NTRK2: variants seen among roughly 807,000 people sequenced by gnomAD.
NTRK2 encodes BDNF/NT-3 growth factors receptor.
In NTRK2, 13 loss-of-function variants were observed where a neutral mutation model predicts 94.5. That is an observed-to-expected ratio of 0.14 (90% confidence interval 0.09 to 0.22). The LOEUF is 0.22. Among genes scored for constraint, NTRK2 ranks in the 10% least tolerant of loss-of-function variants. The pLI, the probability that NTRK2 is intolerant of heterozygous loss-of-function variation, is 1.00. For missense variants in NTRK2, 639 were observed against 1,071.2 expected (o/e 0.60, Z 5.63); for synonymous variants, 372 against 407.4 (o/e 0.91, Z 1.05).
At chr9:84,875,599 A>T in intron 14 of NTRK2, 1 of 1,061,736 alleles carries the variant, frequency 9.4e-7, no homozygotes, top group Non-Finnish European at 1.1e-6. Context: ...CAAACTAGTT[A>T]CATCTCATAC....
chr9:84,803,650 C>G (rs945645197), intron 12 of NTRK2, among the ~76,000 whole-genome samples: 3 of 152,164 alleles, frequency 2.0e-5, no homozygotes, highest in African/African-American at 2.4e-5. Flanking sequence ...ACCTTGTGGG[C>G]TCCAGATCAT....
chr9:85,013,137 G>GC (rs1343990963), intron 17 of NTRK2, among the ~76,000 whole-genome samples: 1 of 152,070 alleles, frequency 6.6e-6, no homozygotes, highest in Non-Finnish European at 1.5e-5. Context: ...GAGAGATGAG[G>GC]CAGAAAAGCC....
At chr9:84,669,160 A>G (rs1184600931), upstream of NTRK2, 1 of 152,312 alleles carries the variant, frequency 6.6e-6, no homozygotes, top group Non-Finnish European at 1.5e-5. This position sits in a 1 kb window ranked among gnomAD's most constrained non-coding sequence, Gnocchi z 4.1. Flanking sequence ...TTGGTTACCA[A>G]TGCAGAACAC....
chr9:84,685,558 C>T (rs1385697464), intron 2 of NTRK2, among the ~76,000 whole-genome samples: 1 of 152,120 alleles, frequency 6.6e-6, no homozygotes, highest in African/African-American at 2.4e-5. Context: ...AACTTCTTAT[C>T]AAGTCTTGAA....
intron 2 of NTRK2, among the ~76,000 whole-genome samples, chr9:84,697,405 G>A (rs769480469): frequency 2.6e-5 from 4 of 152,210 alleles, no homozygotes; most frequent in Non-Finnish European, 5.9e-5. Flanking sequence ...CCTGGTTGGG[G>A]TGTGTGCCAC....
At chr9:84,981,665 G>C (rs1260224615) in intron 17 of NTRK2, among the ~76,000 whole-genome samples, 1 of 152,056 alleles carries the variant, frequency 6.6e-6, no homozygotes, top group Non-Finnish European at 1.5e-5. Flanking sequence ...ACATGTTCTT[G>C]TTCCCCATTA....
intron 15 of NTRK2, among the ~76,000 whole-genome samples, chr9:84,942,088 A>C (rs1339440191): frequency 6.6e-6 from 1 of 151,986 alleles, no homozygotes; most frequent in African/African-American, 2.4e-5. Context: ...GTTGATATAC[A>C]TAGAGTATTG....
Position 84,727,857 on chromosome 9 carries a change from C to CACAT in NTRK2, c.1058_1061dup (p.Met354IlefsTer14). On this transcript the variant is annotated frameshift_variant, in exon 9 of 19. Coordinates refer to ENST00000277120, the MANE Select transcript of NTRK2 (RefSeq NM_006180.6). LOFTEE classifies it high-confidence loss of function. Reference sequence around the variant, plus strand: ...CTGCCTCCAGCTGGATAATCCCACTCACATGAACAATGGGGACTACACTCT... The same window carrying CACAT: ...CTGCCTCCAGCTGGATAATCCCACTCACATACATGAACAATGGGGACTACACTCT... 1 of 1,614,164 alleles carries CACAT rather than the reference C, an allele frequency of 6.2e-7. No homozygotes were observed. Among genetic ancestry groups the CACAT allele is most frequent in the Non-Finnish European group, 8.5e-7 (1 of 1,180,000 alleles).
At chr9:85,005,479 A>G (rs1315036678) in intron 17 of NTRK2, among the ~76,000 whole-genome samples, 1 of 152,188 alleles carries the variant, frequency 6.6e-6, no homozygotes, top group Non-Finnish European at 1.5e-5. Context: ...GTAAAACCCC[A>G]TAATATTATG....
intron 17 of NTRK2, among the ~76,000 whole-genome samples, chr9:85,011,187 T>C (rs975519058): frequency 6.6e-6 from 1 of 151,122 alleles, no homozygotes; most frequent in Non-Finnish European, 1.5e-5. Context: ...CCACCAAGAG[T>C]TACCCAGGAA....
intron 12 of NTRK2, among the ~76,000 whole-genome samples, chr9:84,845,250 T>TATATACAC (rs374265197): frequency 6.8e-5 from 10 of 147,902 alleles, no homozygotes; most frequent in African/African-American, 2.5e-4. Context: ...ATGTGGTGTA[T>TATATACAC]ACACACACAC....
chr9:84,870,331 G>GTGTGTATGTATATATATATA (rs1349303529), intron 14 of NTRK2, among the ~76,000 whole-genome samples: 1 of 31,176 alleles, frequency 3.2e-5, no homozygotes, highest in Non-Finnish European at 6.8e-5. Flanking sequence ...GTGTGTGTGT[G>GTGTGTATGTATATATATATA]TATATATATA....
In NTRK2 at chr9:84,728,935, C is replaced by T. The variant is rs2062650176; in HGVS notation, c.1159+976C>T. ...CTTGCTACCAATGTGGTGGCCAAGG[C>T]CTGTGTTTGGATGTTGGGAGCTGTA... is the stretch of plus-strand genomic sequence containing the variant. On this transcript the variant is annotated intron_variant, in intron 9 of 18. Transcript: ENST00000277120. 2.6e-5 allele frequency among the ~76,000 whole-genome samples: 4 copies of T among 152,298 alleles called. No homozygotes were observed. The South Asian group carries it at 8.3e-4, about 32-fold the overall frequency.
At chr9:84,910,060 A>G (rs1242992016) in intron 14 of NTRK2, among the ~76,000 whole-genome samples, 1 of 152,090 alleles carries the variant, frequency 6.6e-6, no homozygotes, top group Non-Finnish European at 1.5e-5. Context: ...GAAGTTCTGT[A>G]GTTTTATGTT....
At chr9:84,990,883 A>G (rs1473453604) in intron 17 of NTRK2, among the ~76,000 whole-genome samples, 1 of 152,166 alleles carries the variant, frequency 6.6e-6, no homozygotes, top group Non-Finnish European at 1.5e-5. Flanking sequence ...GCACCCCACA[A>G]TTAGAGAGGA....
At chr9:84,857,563 G>A (rs2075126604) in intron 12 of NTRK2, among the ~76,000 whole-genome samples, 1 of 152,202 alleles carries the variant, frequency 6.6e-6, no homozygotes, top group African/African-American at 2.4e-5. Flanking sequence ...TTCTAGGGAA[G>A]AGGTGCCAAC....
At chr9:84,739,347 G>T (rs960621596) in intron 9 of NTRK2, among the ~76,000 whole-genome samples, 1 of 152,156 alleles carries the variant, frequency 6.6e-6, no homozygotes, top group South Asian at 2.1e-4. Flanking sequence ...CACCACCCCC[G>T]GCCCTGGCCT....
chr9:84,977,310 CT>C (rs1461356940), intron 17 of NTRK2, among the ~76,000 whole-genome samples: 1 of 152,186 alleles, frequency 6.6e-6, no homozygotes, highest in Non-Finnish European at 1.5e-5. Context: ...ACTTCTTGCT[CT>C]TAGGAACACG....
intron 14 of NTRK2, among the ~76,000 whole-genome samples, chr9:84,892,173 T>C (rs1341169814): frequency 6.6e-6 from 1 of 152,232 alleles, no homozygotes; most frequent in Admixed American, 6.5e-5. Flanking sequence ...ACATTTTTCT[T>C]GCTTAAGTTA....
Sources: gnomAD v4.1 joint callset for allele counts (sites outside exome capture counted in the v4.1 genomes callset) on GRCh38, gnomAD v4.1.1 for gene constraint, Gnocchi (gnomAD v3.1) non-coding constraint, MANE v1.5 for transcripts, NCBI Gene and HGNC (gene_info 2026-07-23, HGNC 2026-07-21) for gene names.